The following MAML2 variants were observed in gnomAD, a reference collection of about 807,000 sequenced individuals.
MAML2 encodes the protein mastermind-like protein 2.
A neutral mutation model predicts 96.1 loss-of-function variants in MAML2; 22 were observed. That is an observed-to-expected ratio of 0.23 (90% confidence interval 0.16 to 0.33). MAML2 has a LOEUF of 0.33. Ranked by LOEUF, MAML2 falls within the 10% of genes least tolerant of loss-of-function variation. MAML2 has a pLI of 1.00. For missense variants in MAML2, 1,367 were observed against 1,392.4 expected, an observed-to-expected ratio of 0.98 and a Z score of 0.29; for synonymous variants, 561 against 521.3, an observed-to-expected ratio of 1.08 and a Z score of -1.04.
chr11:96,300,772 G>C (rs557226654), intron 1 of MAML2, among the ~76,000 whole-genome samples: 1 of 152,142 alleles, frequency 6.6e-6, no homozygotes, highest in Non-Finnish European at 1.5e-5. Context: ...CAGAGGCTTC[G>C]GACAATGAGC....
intron 1 of MAML2, among the ~76,000 whole-genome samples, chr11:96,158,962 T>C (rs994332519): frequency 6.6e-6 from 1 of 152,214 alleles, no homozygotes; most frequent in Non-Finnish European, 1.5e-5. Flanking sequence ...GAGTAGAGCC[T>C]TCTGTTTCCT....
chr11:96,191,530 T>C (rs1050198615), intron 1 of MAML2, among the ~76,000 whole-genome samples: 1 of 149,196 alleles, frequency 6.7e-6, no homozygotes, highest in African/African-American at 2.5e-5. Context: ...ATCCCAGCAC[T>C]TTGGGAGGCT....
At chr11:96,058,352 C>T (rs1436204957) in intron 2 of MAML2, among the ~76,000 whole-genome samples, 8 of 152,140 alleles carry the variant, frequency 5.3e-5, no homozygotes, top group Non-Finnish European at 1.0e-4. Flanking sequence ...TGGAGTCGCA[C>T]CCCGTTGCCC....
intron 1 of MAML2, among the ~76,000 whole-genome samples, chr11:96,162,213 A>T (rs1297620143): frequency 8.8e-6 from 1 of 113,402 alleles, no homozygotes; most frequent in Non-Finnish European, 1.8e-5. Flanking sequence ...CAATGAACAT[A>T]TCCAGTTCTT....
At chr11:96,326,543 T>C (rs1333378371) in intron 1 of MAML2, among the ~76,000 whole-genome samples, 3 of 152,090 alleles carry the variant, frequency 2.0e-5, no homozygotes, top group Non-Finnish European at 4.4e-5. Flanking sequence ...ATGCCTGTAA[T>C]CCCAGCACTT....
intron 1 of MAML2, among the ~76,000 whole-genome samples, chr11:96,231,534 G>A (rs1343281171): frequency 3.9e-5 from 6 of 152,184 alleles, no homozygotes; most frequent in Non-Finnish European, 8.8e-5. Flanking sequence ...ACTTGGGAAT[G>A]GCAGAAATGA....
At chr11:96,009,688 G>T (rs866083228) in intron 2 of MAML2, among the ~76,000 whole-genome samples, 1 of 152,152 alleles carries the variant, frequency 6.6e-6, no homozygotes, top group Non-Finnish European at 1.5e-5. Flanking sequence ...GCCAGGAAAA[G>T]CACAGTTATT....
chr11:96,028,561 A>T (rs562756484), intron 2 of MAML2, among the ~76,000 whole-genome samples: 71 of 152,296 alleles, frequency 4.7e-4, no homozygotes, highest in Admixed American at 7.8e-4. Flanking sequence ...TCACTCCTAT[A>T]TCCTTAGTGA....
chr11:96,163,698 C>G (rs1254219378), intron 1 of MAML2, among the ~76,000 whole-genome samples: 1 of 152,190 alleles, frequency 6.6e-6, no homozygotes, highest in African/African-American at 2.4e-5. Context: ...GTTGTCCAAA[C>G]CTTTGGTACT....
intron 2 of MAML2, among the ~76,000 whole-genome samples, chr11:96,063,633 T>C (rs1328452342): frequency 2.0e-5 from 3 of 152,140 alleles, no homozygotes; most frequent in Non-Finnish European, 4.4e-5. Flanking sequence ...AATCAAATCT[T>C]AGAGAGGTTG....
Position 96,219,195 on chromosome 11 carries a change from A to G in MAML2, c.513+122188T>C, listed in dbSNP as rs547685500. 2.0e-5 allele frequency among the ~76,000 whole-genome samples: 3 copies of G among 152,360 alleles called. No homozygotes were observed. The South Asian group carries it at 6.2e-4, about 32-fold the overall frequency. On this transcript the variant is annotated intron_variant, in intron 1 of 4. Transcript: ENST00000524717. ...CCTTCACATACTGGGCACTCAATGT[A>G]TTTAGGTTGAAATCTTTGATGTTCA...
chr11:96,105,305 G>A (rs1860004824), intron 1 of MAML2, among the ~76,000 whole-genome samples: 1 of 152,136 alleles, frequency 6.6e-6, no homozygotes. Context: ...CTCTCTCCAT[G>A]GCATTCCCAG....
chr11:96,001,309 G>A (rs1014432895), intron 2 of MAML2, among the ~76,000 whole-genome samples: 1 of 152,144 alleles, frequency 6.6e-6, no homozygotes, highest in African/African-American at 2.4e-5. Context: ...GGTCAGGGTG[G>A]AGTGGGAAGA....
chr11:96,337,687 A>G (rs1348047147), intron 1 of MAML2, among the ~76,000 whole-genome samples: 1 of 152,218 alleles, frequency 6.6e-6, no homozygotes, highest in African/African-American at 2.4e-5. Context: ...CTCTATTTAC[A>G]ATAAGTGCTA....
At chr11:96,128,250 C>T (rs1318174778) in intron 1 of MAML2, among the ~76,000 whole-genome samples, 8 of 151,986 alleles carry the variant, frequency 5.3e-5, no homozygotes, top group East Asian at 1.9e-4. Flanking sequence ...AAAAATTAGC[C>T]GGGTGTGGTG....
chr11:95,985,396 G>A, intron 4 of MAML2, 135 bp downstream of exon 4: 1 of 593,386 alleles, frequency 1.7e-6, no homozygotes. Flanking sequence ...TGTAGTCTTG[G>A]CATGAAAGTC....
intron 1 of MAML2, among the ~76,000 whole-genome samples, chr11:96,148,940 A>T (rs1300127779): frequency 6.6e-6 from 1 of 152,232 alleles, no homozygotes; most frequent in Non-Finnish European, 1.5e-5. Context: ...TGGATGTGAA[A>T]TTGATTTCTG....
At chr11:96,064,646 T>A (rs1447041859) in intron 2 of MAML2, among the ~76,000 whole-genome samples, 1 of 152,208 alleles carries the variant, frequency 6.6e-6, no homozygotes, top group Non-Finnish European at 1.5e-5. Context: ...GGGCAATATA[T>A]TCAGACTGTG....
intron 1 of MAML2, among the ~76,000 whole-genome samples, chr11:96,225,606 T>C (rs187575962): frequency 3.9e-4 from 59 of 152,138 alleles, no homozygotes; most frequent in African/African-American, 1.3e-3. Context: ...CTGAGGTGGG[T>C]GGATCATTTG....
Sources: gnomAD v4.1 joint callset for allele counts (sites outside exome capture counted in the v4.1 genomes callset) on GRCh38, gnomAD v4.1.1 for gene constraint, MANE v1.5 for transcripts, NCBI Gene and HGNC (gene_info 2026-07-23, HGNC 2026-07-21) for gene names.